The following DHODH variants were observed in gnomAD, a reference collection of about 807,000 sequenced individuals.
The protein encoded by DHODH is dihydroorotate dehydrogenase (quinone).
A neutral mutation model predicts 39.7 loss-of-function variants in DHODH; 30 were observed. The observed-to-expected ratio is 0.76, with a 90% CI of 0.57 to 1.02. The LOEUF (loss-of-function observed/expected upper bound fraction) is 1.02, where lower values mean the gene tolerates loss of function less well. Ranked by LOEUF, DHODH falls within the 50% of genes least tolerant of loss-of-function variation. The probability of loss-of-function intolerance (pLI) is 0.00; values close to 1 mark genes in which losing one functional copy is unlikely to be tolerated. For synonymous variants in DHODH, 222 were observed against 213.8 expected (o/e 1.04, Z -0.34); for missense variants, 531 against 520.8 (o/e 1.02, Z -0.19).
intron 1 of DHODH, chr16:72,009,275 G>T (rs1041154336): frequency 1.5e-4 from 40 of 272,996 alleles, no homozygotes; most frequent in African/African-American, 8.3e-4. Flanking sequence ...AGGCCGAGGC[G>T]GGTGGATCAT....
At chr16:72,020,977 T>C (rs2041206626) in intron 4 of DHODH, 147 bp from the exon 5 acceptor site, 3 of 798,846 alleles carry the variant, frequency 3.8e-6, no homozygotes, top group Non-Finnish European at 5.9e-6. Context: ...CAGGCCGCAG[T>C]TGAGCACCTG....
chr16:72,014,616 A>T lies in DHODH; in HGVS notation c.378A>T (p.Glu126Asp), dbSNP rs757198772. The T allele has an allele frequency of 6.2e-7, 1 of 1,614,158 alleles. No individual in the cohort carries two copies. The highest frequency in any genetic ancestry group is 8.5e-7 in the Non-Finnish European group (1 of 1,180,012). ...EIGSVTPKPQ[E>D]GNPRPRVFRL... is the part of the protein sequence containing the mutation. ...GAAGTGTGACTCCAAAACCTCAGGA[A>T]GGAAACCCTAGACCCAGAGTCTTCC... is the stretch of plus-strand genomic sequence containing the variant. Residue 126 changes from glutamate (E) to aspartate (D), a missense_variant, in exon 3 of 9, where the codon GAA becomes GAT. Physicochemically the swap from Glu to Asp is conservative, Grantham distance 45. Transcript: ENST00000219240.
In DHODH at chr16:72,022,409, C is replaced by T; in HGVS notation, c.753C>T (p.Val251=). 6.4e-7 allele frequency: 1 copy of T among 1,557,846 alleles called. No homozygotes were observed. Among genetic ancestry groups the T allele is most frequent in the Non-Finnish European group, 8.7e-7 (1 of 1,150,596 alleles). ...DGLRRVHRPA[V]LVKIAPDLTS... is the part of the protein sequence containing the mutation. ...TGCGGAGAGTGCACAGGCCGGCAGT[C>T]CTGGTGAAGATCGCTCCTGACCTCA... Residue 251 remains valine (V), a synonymous_variant, in exon 6 of 9, where the codon GTC becomes GTT. Coordinates refer to ENST00000219240, the MANE Select transcript of DHODH (RefSeq NM_001361.5).
rs368537552 is a variant in DHODH at position 72,023,455 on chromosome 16, G to A, written c.974-19G>A. 9.5e-5 allele frequency: 153 copies of A among 1,613,978 alleles called. 1 individual carries two copies. The highest frequency in any genetic ancestry group is 4.5e-5 in the East Asian group (2 of 44,896). On this transcript the variant is annotated intron_variant, in intron 7 of 8. Transcript: ENST00000219240. ...AAGCCACATCCTTCTTTATGGTGTC[G>A]CCATGTGCTTCTCTGTAGGCCGAGT...
At position 72,021,201 on chromosome 16, in the gene DHODH, C is replaced by T. The variant is rs267606769; in HGVS notation, c.595C>T (p.Arg199Cys). ...DAAEDYAEGV[R>C]VLGPLADYLV... ...CGCGGAGGACTACGCAGAAGGGGTG[C>T]GCGTACTGGGCCCCCTGGCCGACTA... The change falls in exon 5 of 9, where the codon CGC becomes TGC. Residue 199 changes from arginine (R) to cysteine (C), a missense_variant. Transcript: ENST00000219240. The T allele has an allele frequency of 2.3e-5, 37 of 1,610,642 alleles. No individual in the cohort carries two copies. Among genetic ancestry groups the T allele is most frequent in the South Asian group, 6.6e-5 (6 of 90,308 alleles).
chr16:72,012,137 T>TATG lies in DHODH; in HGVS notation c.110_112dup (p.Tyr37_Ala38insAsp). 6.2e-7 allele frequency: 1 copy of TATG among 1,614,150 alleles called. No homozygotes were observed. Among genetic ancestry groups the TATG allele is most frequent in the Non-Finnish European group, 8.5e-7 (1 of 1,180,010 alleles). Reference sequence around the variant, plus strand: ...GATGGCCACGGGAGATGAGCGTTTCTATGCTGAACACCTGATGCCGACTCT... The same window carrying TATG: ...GATGGCCACGGGAGATGAGCGTTTCTATGATGCTGAACACCTGATGCCGACTCT... On this transcript the variant is annotated inframe_insertion, in exon 2 of 9. Transcript: ENST00000219240.
In DHODH at chr16:72,014,665, A is replaced by G. The variant is rs1007391643; in HGVS notation, c.427A>G (p.Ile143Val). 8 of 1,613,992 alleles carry G rather than the reference A, an allele frequency of 5.0e-6. No homozygotes were observed. Among genetic ancestry groups the G allele is most frequent in the Non-Finnish European group, 6.8e-6 (8 of 1,180,022 alleles). The change falls in exon 3 of 9, where the codon ATT becomes GTT. Residue 143 changes from isoleucine to valine, a missense_variant. Physicochemically the swap from Ile to Val is conservative, Grantham distance 29. Transcript: ENST00000219240. ...CCGCCTCCCTGAGGACCAAGCTGTC[A>G]TTAACAGGTAGGTGAGCGGCCCAGA... ...VFRLPEDQAV[I>V]NRYGFNSHGL... is the part of the protein sequence containing the mutation.
At chr16:72,016,832 A>G (rs574599633) in intron 3 of DHODH, 192 bp from the exon 4 acceptor site, 15 of 606,990 alleles carry the variant, frequency 2.5e-5, no homozygotes, top group Non-Finnish European at 4.5e-5. Context: ...GCATTTGCAA[A>G]TTTTAATCTT....
intron 8 of DHODH, 145 bp downstream of exon 8, chr16:72,023,778 GT>G: frequency 8.2e-7 from 1 of 1,220,336 alleles, no homozygotes; most frequent in Non-Finnish European, 1.2e-6. Context: ...GAAATTCTGG[GT>G]TACTCTTTTG....
intron 4 of DHODH, chr16:72,020,344 TATATATATATGTGTATATATA>T (rs1325603254): frequency 2.9e-4 from 35 of 119,280 alleles, no homozygotes; most frequent in Non-Finnish European, 3.9e-4. Context: ...TATATATATA[TATATATATATGTGTATATATA>T]TATATATTTT....
At chr16:72,023,766 G>C (rs913010478) in intron 8 of DHODH, 133 bp downstream of exon 8, 38 of 1,300,492 alleles carry the variant, frequency 2.9e-5, no homozygotes, top group Admixed American at 3.9e-5. Flanking sequence ...CTGAAGGGGA[G>C]AGAAATTCTG....
intron 3 of DHODH, chr16:72,016,078 C>T (rs1446690391): frequency 6.2e-6 from 1 of 162,340 alleles, no homozygotes; most frequent in Admixed American, 6.5e-5. Context: ...CTTCTCTGGG[C>T]GTTTTCTTTT....
chr16:72,021,567 T>C (rs1341360901), intron 5 of DHODH, among the ~76,000 whole-genome samples: 2 of 152,202 alleles, frequency 1.3e-5, no homozygotes, highest in Non-Finnish European at 2.9e-5. Context: ...CACGTCTCTC[T>C]CATTTGTCAC....
chr16:72,018,113 G>A (rs1597395725), intron 4 of DHODH, among the ~76,000 whole-genome samples: 1 of 151,848 alleles, frequency 6.6e-6, no homozygotes, highest in African/African-American at 2.4e-5. Flanking sequence ...CGATGCGGGT[G>A]TTCTCTGTGG....
rs1161617872 is a variant in DHODH at position 72,023,210 on chromosome 16, C to T, written c.865C>T (p.Pro289Ser). The T allele has an allele frequency of 3.7e-6, 6 of 1,614,084 alleles. No homozygotes were observed. The South Asian group carries it at 4.4e-5, about 12-fold the overall frequency. ...TGTTACGAACACCACCGTGAGTCGC[C>T]CTGCGGGCCTCCAGGGTGCCCTGCG... ...LIVTNTTVSR[P>S]AGLQGALRSE... Residue 289 changes from proline (P) to serine (S), a missense_variant, in exon 7 of 9, where the codon CCT becomes TCT. Coordinates refer to ENST00000219240, the MANE Select transcript of DHODH (RefSeq NM_001361.5).
At chr16:72,010,081 T>C (rs1356917718) in intron 1 of DHODH, among the ~76,000 whole-genome samples, 6 of 152,220 alleles carry the variant, frequency 3.9e-5, no homozygotes, top group African/African-American at 1.4e-4. Flanking sequence ...TTTAGCAGTT[T>C]GGAAGGATCC....
Position 72,021,201 on chromosome 16 carries a change from C to A in DHODH, c.595C>A (p.Arg199Ser), listed in dbSNP as rs267606769. ...CGCGGAGGACTACGCAGAAGGGGTG[C>A]GCGTACTGGGCCCCCTGGCCGACTA... ...DAAEDYAEGV[R>S]VLGPLADYLV... Residue 199 changes from arginine to serine, a missense_variant, in exon 5 of 9, where the codon CGC (arginine) becomes AGC (serine). Coordinates refer to ENST00000219240, the MANE Select transcript of DHODH (RefSeq NM_001361.5). 1 of 1,610,758 alleles carries A rather than the reference C, an allele frequency of 6.2e-7. No individual in the cohort carries two copies. The highest frequency in any genetic ancestry group is 1.1e-5 in the South Asian group (1 of 90,304).
chr16:72,020,372 T>TATATATATATATGTATATATATATATATA (rs746414347), intron 4 of DHODH: 25 of 70,860 alleles, frequency 3.5e-4, no homozygotes, highest in African/African-American at 1.6e-3. Flanking sequence ...TATATATATA[T>TATATATATATATGTATATATATATATATA]TTTTTTTTTT....
intron 3 of DHODH, chr16:72,015,859 G>GT (rs1335724954): frequency 1.0e-6 from 1 of 985,514 alleles, no homozygotes; most frequent in Non-Finnish European, 1.2e-6. Context: ...GTGGCATGTG[G>GT]TAAGTGTGTA....
Sources: allele counts gnomAD v4.1 joint callset (sites outside exome capture counted in the v4.1 genomes callset), GRCh38; gene constraint gnomAD v4.1.1; transcripts MANE v1.5; gene names NCBI Gene and HGNC (gene_info 2026-07-23, HGNC 2026-07-21).